HECW2: variants seen among roughly 807,000 people sequenced by gnomAD.
HECW2 encodes HECT, C2 and WW domain containing E3 ubiquitin protein ligase 2.
Under a neutral mutation model 175.2 loss-of-function variants are expected in HECW2, and 61 were observed. The observed-to-expected ratio is 0.35, with a 90% CI of 0.28 to 0.43. The LOEUF is 0.43. HECW2 is among the 20% of genes least tolerant of loss of function. The pLI is 1.00. For synonymous variants in HECW2, 671 were observed against 731.0 expected, an observed-to-expected ratio of 0.92 and a Z score of 1.32; for missense variants, 1,524 against 2,000.5, an observed-to-expected ratio of 0.76 and a Z score of 4.54.
chr2:196,404,830 T>A (rs1229519393), intron 2 of HECW2, among the ~76,000 whole-genome samples: 1 of 132,978 alleles, frequency 7.5e-6, no homozygotes, highest in African/African-American at 2.8e-5. Flanking sequence ...TTTTTTTTTT[T>A]TTTTTTTTTT....
At chr2:196,385,526 C>A (rs1305604524) in intron 2 of HECW2, among the ~76,000 whole-genome samples, 2 of 152,114 alleles carry the variant, frequency 1.3e-5, no homozygotes, top group Non-Finnish European at 2.9e-5. Flanking sequence ...AACCTGATAC[C>A]AAAAGCCTCT....
chr2:196,502,306 G>C (rs911799357), intron 1 of HECW2, among the ~76,000 whole-genome samples: 1 of 151,928 alleles, frequency 6.6e-6, no homozygotes, highest in African/African-American at 2.4e-5. Context: ...TGAACTGTAC[G>C]TCATCCTAGA....
intron 1 of HECW2, among the ~76,000 whole-genome samples, chr2:196,514,745 C>T (rs567929631): frequency 4.3e-4 from 65 of 152,156 alleles, no homozygotes; most frequent in Admixed American, 2.3e-3. Flanking sequence ...CTCATTGGGA[C>T]GACCTGCTTG....
intron 19 of HECW2, among the ~76,000 whole-genome samples, chr2:196,243,459 G>A (rs978901877): frequency 6.6e-6 from 1 of 152,084 alleles, no homozygotes; most frequent in African/African-American, 2.4e-5. Flanking sequence ...GAGCCACTGC[G>A]CCAGACCATT....
At chr2:196,591,929 C>A (rs1559192997) in intron 1 of HECW2, among the ~76,000 whole-genome samples, 1 of 152,150 alleles carries the variant, frequency 6.6e-6, no homozygotes, top group Non-Finnish European at 1.5e-5. Flanking sequence ...AAGATAACCT[C>A]TTGGAACATA....
At chr2:196,215,611 G>A (rs575312560) in intron 28 of HECW2, among the ~76,000 whole-genome samples, 8 of 152,232 alleles carry the variant, frequency 5.3e-5, no homozygotes, top group South Asian at 2.1e-4. Context: ...AACCAACGTC[G>A]CTTTACTGAT....
At chr2:196,204,634 G>GCT (rs1687002066) in intron 28 of HECW2, among the ~76,000 whole-genome samples, 1 of 152,182 alleles carries the variant, frequency 6.6e-6, no homozygotes, top group East Asian at 1.9e-4. Flanking sequence ...AGCTGTGCCT[G>GCT]GATGCCTGCT....
At chr2:196,442,693 A>G (rs1253381177) in intron 1 of HECW2, among the ~76,000 whole-genome samples, 1 of 152,224 alleles carries the variant, frequency 6.6e-6, no homozygotes. Flanking sequence ...ATACTGTTAC[A>G]TATACAATAT....
In HECW2 at chr2:196,197,940, A is replaced by T. The variant is rs1326731125; in HGVS notation, c.*3337T>A. ...TACCATTTCTGATTGTTGCACAGGT[A>T]AAACAGATTTTCCTTTATTTATTGC... On this transcript the variant is annotated 3_prime_UTR_variant, in exon 29 of 29. Transcript: ENST00000644978. The T allele has an allele frequency of 2.6e-5, 4 of 152,244 alleles. No homozygotes were observed. Among genetic ancestry groups the T allele is most frequent in the Non-Finnish European group, 5.9e-5 (4 of 68,042 alleles). 9.4% of individuals were successfully genotyped at this position (152,244 alleles called of 1,614,324 possible). A position where few individuals can be genotyped will look rare whatever the true frequency, so the allele number is the denominator to read the frequency against.
At chr2:196,217,355 C>T (rs1559441769) in intron 26 of HECW2, 1 of 364,964 alleles carries the variant, frequency 2.7e-6, no homozygotes, top group Non-Finnish European at 4.9e-6. Context: ...AGAAGAACAA[C>T]AAATGAGTTA....
At chr2:196,378,885 G>A (rs1694124483) in intron 2 of HECW2, among the ~76,000 whole-genome samples, 1 of 152,166 alleles carries the variant, frequency 6.6e-6, no homozygotes, top group African/African-American at 2.4e-5. Context: ...ATCAATCTTA[G>A]CATCACGAAG....
At chr2:196,425,497 G>C (rs1695518920) in intron 2 of HECW2, among the ~76,000 whole-genome samples, 1 of 152,072 alleles carries the variant, frequency 6.6e-6, no homozygotes, top group Admixed American at 6.5e-5. Flanking sequence ...ACAATTCATG[G>C]GGTAGACTAA....
At chr2:196,481,532 C>T (rs1177802966) in intron 1 of HECW2, among the ~76,000 whole-genome samples, 2 of 152,216 alleles carry the variant, frequency 1.3e-5, no homozygotes, top group Admixed American at 6.5e-5. Context: ...ATTGCTCATT[C>T]TGGGATTAAC....
At chr2:196,531,484 C>T (rs1688838244) in intron 1 of HECW2, among the ~76,000 whole-genome samples, 1 of 151,890 alleles carries the variant, frequency 6.6e-6, no homozygotes, top group Non-Finnish European at 1.5e-5. Flanking sequence ...AATGAAACCC[C>T]GTCTCTAATA....
chr2:196,283,063 G>A (rs996297654), intron 14 of HECW2, among the ~76,000 whole-genome samples: 8 of 151,738 alleles, frequency 5.3e-5, no homozygotes, highest in Non-Finnish European at 7.4e-5. Flanking sequence ...GAGGGAGACC[G>A]TCCTGGCTAA....
At chr2:196,424,184 C>T (rs2125251556) in intron 2 of HECW2, among the ~76,000 whole-genome samples, 1 of 152,086 alleles carries the variant, frequency 6.6e-6, no homozygotes, top group East Asian at 1.9e-4. Flanking sequence ...TGTTTTGAGG[C>T]ACCATGAACT....
intron 1 of HECW2, among the ~76,000 whole-genome samples, chr2:196,533,460 T>C (rs939123731): frequency 1.3e-5 from 2 of 151,860 alleles, no homozygotes; most frequent in Non-Finnish European, 2.9e-5. Flanking sequence ...AGACTACTCA[T>C]CTTTTTTTGT....
chr2:196,354,424 C>T (rs778770439), intron 2 of HECW2, among the ~76,000 whole-genome samples: 29 of 152,320 alleles, frequency 1.9e-4, no homozygotes, highest in South Asian at 1.7e-3. Context: ...AGGGGCTGAG[C>T]ACACAGTCGC....
chr2:196,317,419 CA>C (rs1346795200), intron 9 of HECW2, 50 bp from the exon 10 acceptor site: 2 of 1,266,488 alleles, frequency 1.6e-6, no homozygotes, highest in Admixed American at 3.8e-5. Flanking sequence ...CTTTCAGTAT[CA>C]AAACAGACTC....
Sources: gnomAD v4.1 joint callset for allele counts (sites outside exome capture counted in the v4.1 genomes callset) on GRCh38, gnomAD v4.1.1 for gene constraint, MANE v1.5 for transcripts, NCBI Gene and HGNC (gene_info 2026-07-23, HGNC 2026-07-21) for gene names.